The following TLN2 variants were observed in gnomAD, a reference collection of about 807,000 sequenced individuals.
TLN2 encodes the protein talin 2, also known as talin-2.
In TLN2, 118 loss-of-function variants were observed where a neutral mutation model predicts 294.7. That is an observed-to-expected ratio of 0.40 (90% CI 0.34 to 0.47). The LOEUF is 0.47. Among genes scored for constraint, TLN2 ranks in the 20% least tolerant of loss-of-function variants. The pLI, the probability that TLN2 is intolerant of heterozygous loss-of-function variation, is 0.84. For synonymous variants in TLN2, 1,431 were observed against 1,304.5 expected, an observed-to-expected ratio of 1.10 and a Z score of -2.09; for missense variants, 3,083 against 3,282.2, an observed-to-expected ratio of 0.94 and a Z score of 1.48.
intron 22 of TLN2, among the ~76,000 whole-genome samples, chr15:62,713,862 C>G (rs1388689738): frequency 7.0e-6 from 1 of 142,998 alleles, no homozygotes; most frequent in African/African-American, 2.5e-5. Flanking sequence ...CCTGTTTCAG[C>G]CAATAAGCTC....
chr15:62,662,514 A>G (rs1332687273), intron 9 of TLN2, among the ~76,000 whole-genome samples: 1 of 152,222 alleles, frequency 6.6e-6, no homozygotes, highest in East Asian at 1.9e-4. Flanking sequence ...ACTAAGTCCA[A>G]CATGACATAT....
At chr15:62,631,819 ATCCTCGTGCCTT>A (rs1474321029) in intron 3 of TLN2, among the ~76,000 whole-genome samples, 1 of 151,070 alleles carries the variant, frequency 6.6e-6, no homozygotes, top group Non-Finnish European at 1.5e-5. Flanking sequence ...GGCTCAAACC[ATCCTCGTGCCTT>A]GGCTTCCCAA....
chr15:62,713,297 T>G, intron 22 of TLN2, among the ~76,000 whole-genome samples: 1 of 127,464 alleles, frequency 7.8e-6, no homozygotes, highest in African/African-American at 2.8e-5. Flanking sequence ...AAACAAAAAA[T>G]AGATTCATTA....
chr15:62,711,954 A>G lies in TLN2; in HGVS notation c.2511A>G (p.Ser837=). The G allele has an allele frequency of 6.2e-7, 1 of 1,613,982 alleles. No homozygotes were observed. The highest frequency in any genetic ancestry group is 1.3e-5 in the African/African-American group (1 of 75,062). ...RQARVLAQAT[S]DLVNAMRSDA... is the part of the protein sequence containing the mutation. ...CGCGGGTTCTGGCCCAAGCCACATC[A>G]GACCTCGTCAATGCCATGAGGTCAG... Residue 837 remains serine, a synonymous_variant, in exon 22 of 59, where the codon TCA becomes TCG. Transcript: ENST00000636159.
chr15:62,473,562 A>G (rs930909923), intron 1 of TLN2, among the ~76,000 whole-genome samples: 11 of 152,114 alleles, frequency 7.2e-5, no homozygotes, highest in African/African-American at 2.7e-4. Flanking sequence ...TTTGCTTATT[A>G]TTCTTATTTT....
chr15:62,645,942 A>G (rs549599856), intron 3 of TLN2, among the ~76,000 whole-genome samples: 15 of 152,288 alleles, frequency 9.8e-5, no homozygotes, highest in African/African-American at 3.4e-4. Context: ...CTTGTGCCCA[A>G]GGAGTATATT....
chr15:62,584,876 A>G (rs1311290923), intron 1 of TLN2, among the ~76,000 whole-genome samples: 1 of 152,232 alleles, frequency 6.6e-6, no homozygotes, highest in African/African-American at 2.4e-5. Flanking sequence ...GAGTAATGCT[A>G]GTTCATCCTC....
intron 2 of TLN2, among the ~76,000 whole-genome samples, chr15:62,613,942 T>A (rs141762540): frequency 6.6e-5 from 10 of 150,972 alleles, no homozygotes; most frequent in Non-Finnish European, 8.8e-5. Context: ...AGGAAACAGA[T>A]GAGTGATTGA....
intron 11 of TLN2, among the ~76,000 whole-genome samples, chr15:62,684,771 C>G (rs1406548341): frequency 1.3e-5 from 2 of 151,740 alleles, no homozygotes; most frequent in Non-Finnish European, 1.5e-5. Context: ...GGCTTTACCA[C>G]TCACCACTGT....
chr15:62,715,434 A>G (rs1340414592), intron 22 of TLN2, among the ~76,000 whole-genome samples: 2 of 152,204 alleles, frequency 1.3e-5, no homozygotes, highest in African/African-American at 4.8e-5. Context: ...GGAAATCTTG[A>G]TTGCTACTGT....
chr15:62,610,481 A>G (rs1567188028), intron 2 of TLN2, among the ~76,000 whole-genome samples: 1 of 152,198 alleles, frequency 6.6e-6, no homozygotes, highest in Non-Finnish European at 1.5e-5. Flanking sequence ...CTTATTTAAC[A>G]CATGCATTTT....
intron 42 of TLN2, among the ~76,000 whole-genome samples, chr15:62,771,755 C>T (rs567310735): frequency 1.3e-5 from 2 of 152,280 alleles, no homozygotes; most frequent in South Asian, 4.2e-4. Context: ...TCTGATCTAT[C>T]TGGAGCATGT....
At chr15:62,681,729 C>T (rs754912165) in intron 11 of TLN2, among the ~76,000 whole-genome samples, 6 of 151,910 alleles carry the variant, frequency 3.9e-5, no homozygotes, top group African/African-American at 7.3e-5. Flanking sequence ...GACGAGTAAG[C>T]GAGCTAATGT....
intron 1 of TLN2, among the ~76,000 whole-genome samples, chr15:62,457,095 A>G (rs1201053083): frequency 6.6e-6 from 1 of 152,172 alleles, no homozygotes; most frequent in African/African-American, 2.4e-5. Flanking sequence ...TGCTATTGGA[A>G]AATGCTGTGG....
chr15:62,545,096 ATTT>A (rs57917415), intron 1 of TLN2, among the ~76,000 whole-genome samples: 9 of 141,762 alleles, frequency 6.3e-5, no homozygotes, highest in Admixed American at 7.1e-5. Flanking sequence ...CACCCAGCTG[ATTT>A]TTTTTTTTTT....
At chr15:62,544,484 C>T (rs2041877011) in intron 1 of TLN2, among the ~76,000 whole-genome samples, 1 of 152,110 alleles carries the variant, frequency 6.6e-6, no homozygotes, top group Admixed American at 6.6e-5. Flanking sequence ...TCCACAGACA[C>T]CTGGAAGAAA....
intron 18 of TLN2, among the ~76,000 whole-genome samples, chr15:62,702,547 A>G (rs1282149586): frequency 6.6e-6 from 1 of 152,214 alleles, no homozygotes; most frequent in East Asian, 1.9e-4. Context: ...CTAATTGGCC[A>G]TTTCAAATCC....
chr15:62,443,448 G>A (rs1052457081), intron 1 of TLN2, among the ~76,000 whole-genome samples: 3 of 152,180 alleles, frequency 2.0e-5, no homozygotes, highest in Non-Finnish European at 4.4e-5. Flanking sequence ...TGGGCAATAG[G>A]AACGTATTTT....
intron 2 of TLN2, among the ~76,000 whole-genome samples, chr15:62,615,132 G>A (rs1293290827): frequency 6.6e-6 from 1 of 152,154 alleles, no homozygotes; most frequent in Non-Finnish European, 1.5e-5. Context: ...ACAGAGAAAT[G>A]TGAATTTAAA....
Sources: gnomAD v4.1 joint callset for allele counts (sites outside exome capture counted in the v4.1 genomes callset) on GRCh38, gnomAD v4.1.1 for gene constraint, MANE v1.5 for transcripts, NCBI Gene and HGNC (gene_info 2026-07-23, HGNC 2026-07-21) for gene names.